The following RYR2 variants were observed in gnomAD, a reference collection of about 807,000 sequenced individuals.
RYR2 encodes the protein cardiac muscle ryanodine receptor-calcium release channel.
In RYR2, 227 loss-of-function variants were observed where a neutral mutation model predicts 601.1. That is an observed-to-expected ratio of 0.38 (90% confidence interval 0.34 to 0.42). RYR2 has a LOEUF of 0.42. Among genes scored for constraint, RYR2 ranks in the 10% least tolerant of loss-of-function variants. The pLI is 1.00. For synonymous variants in RYR2, 2,223 were observed against 2,175.1 expected, an observed-to-expected ratio of 1.02 and a Z score of -0.61; for missense variants, 4,646 against 6,156.5, an observed-to-expected ratio of 0.75 and a Z score of 8.21.
chr1:237,568,722 G>T (rs1302749473), intron 28 of RYR2, among the ~76,000 whole-genome samples: 2 of 152,120 alleles, frequency 1.3e-5, no homozygotes, highest in Non-Finnish European at 2.9e-5. Context: ...AATGACAGAT[G>T]CCCAGCTTGA....
At chr1:237,266,365 T>A (rs2149331269) in intron 1 of RYR2, among the ~76,000 whole-genome samples, 1 of 152,290 alleles carries the variant, frequency 6.6e-6, no homozygotes, top group Non-Finnish European at 1.5e-5. Flanking sequence ...CATGTATGTG[T>A]GAGCATGTGT....
chr1:237,042,840 G>C (rs967477178), intron 1 of RYR2, among the ~76,000 whole-genome samples: 1 of 152,104 alleles, frequency 6.6e-6, no homozygotes, highest in African/African-American at 2.4e-5. Context: ...CTCGGACCCG[G>C]GGCACCGGGG....
At position 237,781,514 on chromosome 1, in the gene RYR2, C is replaced by T. The variant is rs12135982; in HGVS notation, c.11881-51C>T. The T allele has an allele frequency of 0.095, 83,078 of 875,790 alleles. 4,928 individuals are homozygous for T. Among genetic ancestry groups the T allele is most frequent in the African/African-American group, 0.23 (14,080 of 60,034 alleles). 54.3% of individuals were successfully genotyped at this position (875,790 alleles called of 1,614,324 possible). Reference sequence around the variant, plus strand: ...TTTTGTGAGAATAAGTATGATGTTCCTGCTGCATAGTTTTCTTGTATTATC... The same window carrying T: ...TTTTGTGAGAATAAGTATGATGTTCTTGCTGCATAGTTTTCTTGTATTATC... On this transcript the variant is annotated intron_variant, in intron 88 of 104. Coordinates refer to ENST00000366574, the MANE Select transcript of RYR2 (RefSeq NM_001035.3).
chr1:237,401,162 A>G (rs1166180821), intron 10 of RYR2, among the ~76,000 whole-genome samples: 1 of 152,234 alleles, frequency 6.6e-6, no homozygotes, highest in Non-Finnish European at 1.5e-5. Flanking sequence ...GGAGAAAATT[A>G]CATATAAAAC....
chr1:237,100,568 C>G (rs1190387723), intron 1 of RYR2, among the ~76,000 whole-genome samples: 3 of 151,882 alleles, frequency 2.0e-5, no homozygotes, highest in African/African-American at 4.8e-5. Context: ...GTATTTTTAG[C>G]AGAGATGGGG....
chr1:237,764,038 TAC>T (rs200443969), intron 84 of RYR2, among the ~76,000 whole-genome samples: 1 of 152,232 alleles, frequency 6.6e-6, no homozygotes, highest in Non-Finnish European at 1.5e-5. Context: ...TAATCTGTTG[TAC>T]CTGAATCTTC....
intron 1 of RYR2, among the ~76,000 whole-genome samples, chr1:237,227,977 T>A (rs112622439): frequency 0.02 from 1,690 of 83,298 alleles, 31 homozygotes; most frequent in African/African-American, 0.044. Context: ...TTTTTTTTTT[T>A]ATTTTTGATT....
intron 2 of RYR2, among the ~76,000 whole-genome samples, chr1:237,316,852 A>G (rs1368631952): frequency 6.6e-6 from 1 of 152,070 alleles, no homozygotes; most frequent in Non-Finnish European, 1.5e-5. Context: ...CCTATTTTTT[A>G]TGGACCTGGT....
chr1:237,639,448 A>C (rs949710259), intron 46 of RYR2, among the ~76,000 whole-genome samples: 3 of 152,206 alleles, frequency 2.0e-5, no homozygotes, highest in African/African-American at 7.2e-5. Context: ...TAGAAGATGC[A>C]TCTTATGAAT....
rs192719030 is a variant in RYR2 at position 237,633,515 on chromosome 1, G to T, written c.6556-63G>T. 3.9e-4 allele frequency: 629 copies of T among 1,600,316 alleles called. 4 individuals are homozygous for T. The African/African-American group carries it at 7.5e-3, about 19-fold the overall frequency. On this transcript the variant is annotated intron_variant, in intron 42 of 104. Coordinates refer to ENST00000366574, the MANE Select transcript of RYR2 (RefSeq NM_001035.3). The stretch of plus-strand genomic sequence containing the variant: ...TTGACGATGTGATTGAGACCTCAAC[G>T]TATGAACTCAATTTTATAAAGGTCG...
chr1:237,791,326 C>T (rs1389975012), intron 92 of RYR2, 103 bp from the exon 93 acceptor site: 23 of 695,212 alleles, frequency 3.3e-5, no homozygotes, highest in South Asian at 2.0e-4. Context: ...AGTAGGCTTG[C>T]GATCAATTGT....
At chr1:237,246,776 A>C (rs1248010469) in intron 1 of RYR2, among the ~76,000 whole-genome samples, 1 of 151,866 alleles carries the variant, frequency 6.6e-6, no homozygotes. Flanking sequence ...TTGCTTTCTT[A>C]TTATATTTGA....
chr1:237,340,107 C>T (rs891699709), intron 3 of RYR2, among the ~76,000 whole-genome samples: 2 of 152,316 alleles, frequency 1.3e-5, no homozygotes, highest in South Asian at 4.1e-4. Flanking sequence ...TAGTTAGCAT[C>T]TGTATGCTTT....
At chr1:237,135,523 C>T (rs1672671715) in intron 1 of RYR2, among the ~76,000 whole-genome samples, 1 of 138,924 alleles carries the variant, frequency 7.2e-6, no homozygotes, top group African/African-American at 2.6e-5. Flanking sequence ...GCACCCGCCA[C>T]CACACCTAAT....
At chr1:237,478,144 A>T (rs569907944) in intron 17 of RYR2, among the ~76,000 whole-genome samples, 111 of 152,330 alleles carry the variant, frequency 7.3e-4, no homozygotes, top group African/African-American at 2.6e-3. Context: ...ATCCCTACCA[A>T]GACTGACTCA....
Position 237,727,081 on chromosome 1 carries a change from C to G in RYR2, c.10726-6C>G. 1 of 1,374,674 alleles carries G rather than the reference C, an allele frequency of 7.3e-7. No homozygotes were observed. Among genetic ancestry groups the G allele is most frequent in the Non-Finnish European group, 1.0e-6 (1 of 961,574 alleles). 85.2% of individuals were successfully genotyped at this position (1,374,674 alleles called of 1,614,324 possible). A position where few individuals can be genotyped will look rare whatever the true frequency, so the allele number is the denominator to read the frequency against. On this transcript the variant is annotated splice_region_variant and splice_polypyrimidine_tract_variant and intron_variant, in intron 75 of 104. Coordinates refer to ENST00000366574, the MANE Select transcript of RYR2 (RefSeq NM_001035.3). ...GTAAATATTTATTTGTGTCATTCTA[C>G]CTCAGGTGGAACATCCTCAGAGATC... is the stretch of plus-strand genomic sequence containing the variant.
At chr1:237,293,970 A>G (rs1004400799) in intron 2 of RYR2, among the ~76,000 whole-genome samples, 2 of 152,126 alleles carry the variant, frequency 1.3e-5, no homozygotes, top group African/African-American at 4.8e-5. Context: ...CTGACCCCCC[A>G]GTTGCATTGT....
chr1:237,111,520 G>A (rs950729063), intron 1 of RYR2, among the ~76,000 whole-genome samples: 2 of 151,534 alleles, frequency 1.3e-5, no homozygotes, highest in East Asian at 1.9e-4. Context: ...CCTGGGAGGC[G>A]GAGGTTGCAG....
At chr1:237,524,428 G>A (rs1306689955) in intron 24 of RYR2, among the ~76,000 whole-genome samples, 2 of 152,190 alleles carry the variant, frequency 1.3e-5, no homozygotes, top group African/African-American at 4.8e-5. Context: ...AGCAGGCATG[G>A]GGGACCTCAT....
Sources: gnomAD v4.1 joint callset for allele counts (sites outside exome capture counted in the v4.1 genomes callset) on GRCh38, gnomAD v4.1.1 for gene constraint, MANE v1.5 for transcripts, NCBI Gene and HGNC (gene_info 2026-07-23, HGNC 2026-07-21) for gene names.